Variants in DEFB119 observed in about 807,000 individuals in gnomAD.
The protein encoded by DEFB119 is beta-defensin 119.
In DEFB119, 3 loss-of-function variants were observed where a neutral mutation model predicts 2.5. The observed-to-expected ratio is 1.19, with a 90% CI of 0.54 to 3.07. The LOEUF (loss-of-function observed/expected upper bound fraction) is 3.07, where lower values mean the gene tolerates loss of function less well. DEFB119 is among the 30% of genes most tolerant of loss of function. The pLI is 0.03. For missense variants in DEFB119, 113 were observed against 101.1 expected, an observed-to-expected ratio of 1.12 and a Z score of -0.50; for synonymous variants, 29 against 33.7, an observed-to-expected ratio of 0.86 and a Z score of 0.48.
At chr20:31,387,772 A>T (rs1380397499) in intron 1 of DEFB119, among the ~76,000 whole-genome samples, 1 of 152,154 alleles carries the variant, frequency 6.6e-6, no homozygotes, top group Non-Finnish European at 1.5e-5. Flanking sequence ...AGGCAATCCC[A>T]GGACCCAGCT....
intron 1 of DEFB119, among the ~76,000 whole-genome samples, chr20:31,379,343 A>G (rs539375874): frequency 6.6e-6 from 1 of 152,206 alleles, no homozygotes; most frequent in Non-Finnish European, 1.5e-5. Context: ...ATAAGTATGT[A>G]GTAGTATCTC....
intron 1 of DEFB119, chr20:31,388,398 G>A (rs955663022): frequency 3.5e-6 from 3 of 863,556 alleles, no homozygotes; most frequent in Admixed American, 6.1e-5. Flanking sequence ...TTACAGAGGA[G>A]GAAGATGAAG....
At chr20:31,389,930 G>A (rs1986863304) in intron 1 of DEFB119, among the ~76,000 whole-genome samples, 1 of 151,818 alleles carries the variant, frequency 6.6e-6, no homozygotes. Context: ...CCGACTCCCA[G>A]CCTCAGCCCA....
Position 31,377,416 on chromosome 20 carries a change from T to G in DEFB119, c.85A>C (p.Met29Leu). The G allele has an allele frequency of 1.9e-6, 3 of 1,613,258 alleles. No individual in the cohort carries two copies. The highest frequency in any genetic ancestry group is 8.5e-7 in the Non-Finnish European group (1 of 1,179,676). Residue 29 changes from methionine (M) to leucine (L), a missense_variant, in exon 2 of 2, where the codon ATG becomes CTG. Transcript: ENST00000376321. ...ISGKRHILRCMGNSGICRASC... is the reference protein window; with the variant it reads ...ISGKRHILRCLGNSGICRASC... ...GCCCTACAAATTCCACTGTTACCCATGCATCGAAGGATGTGGCGTTTGCCT... is the reference window on the plus strand; with the variant it reads ...GCCCTACAAATTCCACTGTTACCCAGGCATCGAAGGATGTGGCGTTTGCCT...
At chr20:31,384,718 C>T (rs1232326977) in intron 1 of DEFB119, among the ~76,000 whole-genome samples, 1 of 152,206 alleles carries the variant, frequency 6.6e-6, no homozygotes, top group Non-Finnish European at 1.5e-5. Flanking sequence ...TCCCTCCATT[C>T]TGACATTATC....
chr20:31,380,955 T>C (rs1234597569), intron 1 of DEFB119, among the ~76,000 whole-genome samples: 2 of 152,218 alleles, frequency 1.3e-5, no homozygotes. Flanking sequence ...TAATCTGGTC[T>C]ATATCTACAA....
intron 1 of DEFB119, among the ~76,000 whole-genome samples, chr20:31,384,060 T>C (rs1986602386): frequency 6.6e-6 from 1 of 152,152 alleles, no homozygotes; most frequent in Non-Finnish European, 1.5e-5. Context: ...TATTTCTTCA[T>C]AGCAGTATGA....
intron 1 of DEFB119, among the ~76,000 whole-genome samples, chr20:31,380,120 A>G (rs888108532): frequency 6.6e-6 from 1 of 152,232 alleles, no homozygotes; most frequent in Admixed American, 6.5e-5. Context: ...ATTTTGAGTA[A>G]GTGCAATTTA....
chr20:31,385,871 A>G (rs1383676173), intron 1 of DEFB119, among the ~76,000 whole-genome samples: 1 of 124,474 alleles, frequency 8.0e-6, no homozygotes, highest in Non-Finnish European at 1.6e-5. Flanking sequence ...CCGTGTCTCA[A>G]AAAAAAAAAA....
intron 1 of DEFB119, among the ~76,000 whole-genome samples, chr20:31,381,945 G>T (rs898497960): frequency 3.9e-5 from 6 of 152,218 alleles, no homozygotes; most frequent in Non-Finnish European, 7.3e-5. Flanking sequence ...GTTACCAAGG[G>T]TTAAGCATAG....
At chr20:31,389,816 C>CCTAAT (rs1311375745) in intron 1 of DEFB119, among the ~76,000 whole-genome samples, 5 of 151,982 alleles carry the variant, frequency 3.3e-5, no homozygotes, top group East Asian at 1.9e-4. Flanking sequence ...CAAGCCAAAC[C>CCTAAT]CTAATCTAAT....
intron 1 of DEFB119, among the ~76,000 whole-genome samples, chr20:31,379,759 G>A (rs554847583): frequency 5.9e-5 from 9 of 151,656 alleles, no homozygotes; most frequent in South Asian, 4.2e-4. Context: ...TCTGCATCCC[G>A]GGTTCACACC....
At chr20:31,385,671 A>T (rs1986669784) in intron 1 of DEFB119, among the ~76,000 whole-genome samples, 1 of 152,170 alleles carries the variant, frequency 6.6e-6, no homozygotes, top group Non-Finnish European at 1.5e-5. Context: ...GTTTGAGAGC[A>T]GACTGGGCAA....
intron 1 of DEFB119, among the ~76,000 whole-genome samples, chr20:31,386,202 C>T (rs945302048): frequency 6.6e-6 from 1 of 152,092 alleles, no homozygotes; most frequent in African/African-American, 2.4e-5. Context: ...AAGTTTCCTA[C>T]CAAGAATCCC....
intron 1 of DEFB119, chr20:31,388,491 T>C (rs930061714): frequency 3.8e-5 from 7 of 186,036 alleles, no homozygotes; most frequent in Non-Finnish European, 5.2e-5. Flanking sequence ...GGTGAAAGAA[T>C]GGAAAAAATG....
At position 31,383,532 on chromosome 20, in the gene DEFB119, T is replaced by TAAA. The variant is rs750613012; in HGVS notation, c.62-6094_62-6093insTTT. Among the ~76,000 whole-genome samples the TAAA allele has an allele frequency of 2.2e-4, 4 of 18,216 alleles. 2 individuals are homozygous for TAAA. The highest frequency in any genetic ancestry group is 3.3e-4 in the Non-Finnish European group (2 of 6,084). 12.0% of individuals were successfully genotyped at this position (18,216 alleles called of 152,430 possible). On this transcript the variant is annotated intron_variant, in intron 1 of 1. Coordinates refer to ENST00000376321, the MANE Select transcript of DEFB119 (RefSeq NM_153289.4). ...CTGGGCAACAGAACAAGACTCTGTC[T>TAAA]TAAAAAAAAAAAAAAAAAAAAGGCC...
chr20:31,383,609 GC>G (rs1168465790), intron 1 of DEFB119, among the ~76,000 whole-genome samples: 1 of 150,856 alleles, frequency 6.6e-6, no homozygotes, highest in Non-Finnish European at 1.5e-5. Context: ...GCCGAGGCGG[GC>G]AGATCAAGAG....
chr20:31,377,946 C>T (rs1476163478), intron 1 of DEFB119, among the ~76,000 whole-genome samples: 2 of 152,148 alleles, frequency 1.3e-5, no homozygotes, highest in East Asian at 3.9e-4. Context: ...AACTACACTC[C>T]CACTCATACA....
In DEFB119 at chr20:31,390,517, C is replaced by A; in HGVS notation, c.-34G>T. 2 of 1,607,996 alleles carry A rather than the reference C, an allele frequency of 1.2e-6. No individual in the cohort carries two copies. The highest frequency in any genetic ancestry group is 2.2e-5 in the South Asian group (2 of 90,712). ...GACCTGAGAGGAGGAGGTGGCTGAG[C>A]TGCAGGGGAAGGAAATAGGGTTCCC... On this transcript the variant is annotated 5_prime_UTR_variant, in exon 1 of 2. Transcript: ENST00000376321.
Sources: allele counts gnomAD v4.1 joint callset (sites outside exome capture counted in the v4.1 genomes callset), GRCh38; gene constraint gnomAD v4.1.1; transcripts MANE v1.5; gene names NCBI Gene and HGNC (gene_info 2026-07-23, HGNC 2026-07-21).